Variants in VAT1L observed in about 807,000 individuals in gnomAD.
VAT1L encodes the protein vesicle amine transport 1 like, also known as putative NADPH-dependent quinone oxidoreductase VAT1L.
A neutral mutation model predicts 44.1 loss-of-function variants in VAT1L; 34 were observed. The observed-to-expected ratio is 0.77, with a 90% CI of 0.59 to 1.03. The LOEUF is 1.03. Ranked by LOEUF, VAT1L falls within the 50% of genes least tolerant of loss-of-function variation. VAT1L has a pLI of 0.00. For synonymous variants in VAT1L, 253 were observed against 202.2 expected, an observed-to-expected ratio of 1.25 and a Z score of -2.13; for missense variants, 615 against 538.8, an observed-to-expected ratio of 1.14 and a Z score of -1.40.
At chr16:77,877,552 G>C (rs2017103002) in intron 5 of VAT1L, among the ~76,000 whole-genome samples, 1 of 133,764 alleles carries the variant, frequency 7.5e-6, no homozygotes, top group African/African-American at 2.7e-5. Context: ...AACCACATTA[G>C]TCTCCACAAA....
At chr16:77,820,947 G>C (rs2016442543) in intron 2 of VAT1L, among the ~76,000 whole-genome samples, 1 of 152,184 alleles carries the variant, frequency 6.6e-6, no homozygotes, top group Admixed American at 6.5e-5. Flanking sequence ...GTGCATTCTA[G>C]TCAATTGCAG....
intron 7 of VAT1L, among the ~76,000 whole-genome samples, chr16:77,939,443 C>G (rs1035754910): frequency 1.3e-5 from 2 of 152,192 alleles, no homozygotes; most frequent in South Asian, 4.1e-4. Context: ...ACTGTGATAA[C>G]TCAGCAAGTG....
chr16:77,965,063 T>TAC (rs2018208626), intron 7 of VAT1L, among the ~76,000 whole-genome samples: 1 of 152,182 alleles, frequency 6.6e-6, no homozygotes, highest in African/African-American at 2.4e-5. Flanking sequence ...GTGCTGGGAT[T>TAC]ACAGGCATGA....
At chr16:77,942,773 C>G (rs1041172233) in intron 7 of VAT1L, among the ~76,000 whole-genome samples, 1 of 152,058 alleles carries the variant, frequency 6.6e-6, no homozygotes, top group Non-Finnish European at 1.5e-5. Context: ...GAGACAGAGT[C>G]TCACTCTGTC....
chr16:77,837,408 A>G (rs899308577), intron 3 of VAT1L, among the ~76,000 whole-genome samples: 1 of 152,122 alleles, frequency 6.6e-6, no homozygotes, highest in African/African-American at 2.4e-5. Context: ...AAGCTGCTGC[A>G]TCTATGAAAT....
intron 7 of VAT1L, among the ~76,000 whole-genome samples, chr16:77,910,678 AAAAAAAAAAAAAAAAGAAAG>A (rs1342771220): frequency 1.3e-5 from 2 of 148,156 alleles, no homozygotes; most frequent in East Asian, 3.9e-4. Flanking sequence ...CTTCTCAAAA[AAAAAAAAAAAAAAAAGAAAG>A]AAAAGAAAAG....
intron 3 of VAT1L, among the ~76,000 whole-genome samples, 164 bp from the exon 4 acceptor site, chr16:77,862,584 T>C (rs1180398652): frequency 6.9e-6 from 1 of 145,272 alleles, no homozygotes; most frequent in Non-Finnish European, 1.5e-5. Context: ...CCACTGCACA[T>C]TGCACTCCAG....
At chr16:77,934,229 G>A (rs1275301803) in intron 7 of VAT1L, among the ~76,000 whole-genome samples, 1 of 152,082 alleles carries the variant, frequency 6.6e-6, no homozygotes, top group African/African-American at 2.4e-5. Context: ...TTGAGGGGAA[G>A]AAGAGAATCA....
chr16:77,815,687 G>A (rs958625130), intron 1 of VAT1L, among the ~76,000 whole-genome samples: 2 of 152,004 alleles, frequency 1.3e-5, no homozygotes, highest in Admixed American at 1.3e-4. Flanking sequence ...AGTTCAAGTT[G>A]GCTGGGCACA....
intron 7 of VAT1L, among the ~76,000 whole-genome samples, chr16:77,944,160 C>T (rs1288146243): frequency 2.6e-5 from 4 of 152,090 alleles, no homozygotes; most frequent in Admixed American, 2.0e-4. Flanking sequence ...TGCTAAACAT[C>T]TCAAGATACA....
rs764144496 is a variant in VAT1L at position 77,879,223 on chromosome 16, C to T, written c.881C>T (p.Ser294Leu). The change falls in exon 6 of 9, where the codon TCA becomes TTA. Residue 294 changes from serine (S) to leucine (L), a missense_variant and splice_region_variant. By Grantham distance (145) the Ser-to-Leu change is moderately radical (BLOSUM62 -2). Transcript: ENST00000302536. This position sits in a 1 kb window ranked among gnomAD's most constrained non-coding sequence, Gnocchi z 4.1. ...ETKSFFSFAK[S>L]WWQVEKVNPI... ...AAGAGCTTCTTCAGCTTTGCAAAAT[C>T]AGTAAGTATCCAGGCACATCTGATG... 1 of 1,614,094 alleles carries T rather than the reference C, an allele frequency of 6.2e-7. No homozygotes were observed. The highest frequency in any genetic ancestry group is 8.5e-7 in the Non-Finnish European group (1 of 1,179,924).
chr16:77,966,201 G>A lies in VAT1L; in HGVS notation c.1078-5649G>A, dbSNP rs191639487. On this transcript the variant is annotated intron_variant, in intron 7 of 8. Transcript: ENST00000302536. ...AAATTTTTAGCCACATTTGTGGTTC[G>A]CTTTATATTTATTTTAGATGGCACT... 2.3e-3 allele frequency among the ~76,000 whole-genome samples: 354 copies of A among 152,174 alleles called. 4 individuals are homozygous for A. The South Asian group carries it at 0.05, about 22-fold the overall frequency.
chr16:77,949,316 G>A (rs935277265), intron 7 of VAT1L, among the ~76,000 whole-genome samples: 2 of 152,158 alleles, frequency 1.3e-5, no homozygotes, highest in African/African-American at 2.4e-5. Context: ...AGTCAAGGGA[G>A]GTGGAGGCAA....
intron 7 of VAT1L, among the ~76,000 whole-genome samples, chr16:77,927,454 C>G (rs1198348469): frequency 6.6e-6 from 1 of 152,038 alleles, no homozygotes; most frequent in Admixed American, 6.6e-5. Context: ...CAAACAGGAT[C>G]AAAACCAATT....
chr16:77,791,205 G>A (rs2015829153), intron 1 of VAT1L, among the ~76,000 whole-genome samples: 1 of 152,190 alleles, frequency 6.6e-6, no homozygotes, highest in Admixed American at 6.5e-5. Flanking sequence ...TTGGGATACA[G>A]GATGACTCAT....
chr16:77,908,212 C>T (rs1351495856), intron 7 of VAT1L, among the ~76,000 whole-genome samples: 1 of 149,862 alleles, frequency 6.7e-6, no homozygotes, highest in Non-Finnish European at 1.5e-5. Flanking sequence ...GCACTCCAGC[C>T]TGGGTGACAG....
intron 7 of VAT1L, among the ~76,000 whole-genome samples, chr16:77,943,966 T>G (rs909824297): frequency 6.6e-6 from 1 of 152,196 alleles, no homozygotes; most frequent in Non-Finnish European, 1.5e-5. Flanking sequence ...TTTGCCTACC[T>G]GTTGCTTGGC....
chr16:77,948,035 C>G (rs1455923426), intron 7 of VAT1L, among the ~76,000 whole-genome samples: 3 of 152,218 alleles, frequency 2.0e-5, no homozygotes, highest in Non-Finnish European at 2.9e-5. Flanking sequence ...GCTGGGATTA[C>G]AGGTGTGTAC....
At chr16:77,852,630 A>G (rs2016818730) in intron 3 of VAT1L, among the ~76,000 whole-genome samples, 2 of 152,188 alleles carry the variant, frequency 1.3e-5, no homozygotes, top group South Asian at 2.1e-4. Context: ...CCAGATGGCA[A>G]TATGATGTTG....
Sources: gnomAD v4.1 joint callset for allele counts (sites outside exome capture counted in the v4.1 genomes callset) on GRCh38, gnomAD v4.1.1 for gene constraint, Gnocchi (gnomAD v3.1) non-coding constraint, MANE v1.5 for transcripts, NCBI Gene and HGNC (gene_info 2026-07-23, HGNC 2026-07-21) for gene names.